The following EYS variants were observed in gnomAD, a reference collection of about 807,000 sequenced individuals.
EYS encodes the protein protein eyes shut homolog.
EYS carries 250 observed loss-of-function variants against 282.1 expected under a neutral mutation model. That is an observed-to-expected ratio of 0.89 (90% CI 0.80 to 0.98). The LOEUF (loss-of-function observed/expected upper bound fraction) is 0.98, where lower values mean the gene tolerates loss of function less well. EYS is among the 50% of genes least tolerant of loss of function. EYS has a pLI of 0.00. For missense variants in EYS, 4,016 were observed against 3,709.0 expected (o/e 1.08, Z -2.15); for synonymous variants, 1,355 against 1,282.9 (o/e 1.06, Z -1.20).
chr6:63,825,606 A>G (rs1199950488), intron 36 of EYS, among the ~76,000 whole-genome samples: 3 of 152,232 alleles, frequency 2.0e-5, no homozygotes, highest in Non-Finnish European at 4.4e-5. Context: ...GTCCAGAGTT[A>G]GGTAGACTCG....
rs1380605856 is a variant in EYS at position 64,875,674 on chromosome 6, A to G, written c.2992+11023T>C. 3.9e-5 allele frequency among the ~76,000 whole-genome samples: 6 copies of G among 152,244 alleles called. No individual in the cohort carries two copies. The South Asian group carries it at 1.2e-3, about 32-fold the overall frequency. ...ACCACATCAGAGCCTAACACATTAA[A>G]TCATCCAATAACTATAATTTTTGGT... On this transcript the variant is annotated intron_variant, in intron 19 of 42. Transcript: ENST00000503581.
intron 22 of EYS, among the ~76,000 whole-genome samples, chr6:64,749,902 T>A (rs1772686475): frequency 6.6e-6 from 1 of 152,130 alleles, no homozygotes; most frequent in Non-Finnish European, 1.5e-5. Context: ...GCAAATATTT[T>A]AATATTGCTA....
intron 29 of EYS, among the ~76,000 whole-genome samples, chr6:64,329,348 A>G (rs900613691): frequency 2.6e-5 from 4 of 152,158 alleles, no homozygotes; most frequent in African/African-American, 9.7e-5. Flanking sequence ...TGCTCCAGAA[A>G]TTGCAAGCAC....
intron 1 of EYS, among the ~76,000 whole-genome samples, chr6:65,645,914 C>G (rs1767435319): frequency 6.6e-6 from 1 of 151,960 alleles, no homozygotes; most frequent in Non-Finnish European, 1.5e-5. Flanking sequence ...TGCACATAAA[C>G]TAGAAAACCT....
intron 35 of EYS, among the ~76,000 whole-genome samples, chr6:63,977,988 G>A (rs535102298): frequency 1.2e-4 from 18 of 152,056 alleles, no homozygotes; most frequent in African/African-American, 4.3e-4. Flanking sequence ...TTTTTAATTG[G>A]TGTAGTCTGA....
At chr6:65,127,677 G>T (rs995556054) in intron 12 of EYS, among the ~76,000 whole-genome samples, 2 of 152,024 alleles carry the variant, frequency 1.3e-5, no homozygotes, top group Non-Finnish European at 2.9e-5. Context: ...TTTCAGGCAG[G>T]CATTGAACAC....
chr6:63,882,543 G>A (rs985823520), intron 35 of EYS, among the ~76,000 whole-genome samples: 5 of 152,148 alleles, frequency 3.3e-5, no homozygotes, highest in Non-Finnish European at 5.9e-5. Context: ...GGCACTGCTA[G>A]GCACTGTACA....
intron 2 of EYS, among the ~76,000 whole-genome samples, chr6:65,622,647 C>T (rs1459728934): frequency 6.6e-6 from 1 of 151,964 alleles, no homozygotes; most frequent in Non-Finnish European, 1.5e-5. Context: ...TGGAGAAAAA[C>T]GTACTTCAAA....
chr6:64,307,214 AG>A, intron 29 of EYS, 132 bp from the exon 30 acceptor site: 1 of 550,858 alleles, frequency 1.8e-6, no homozygotes, highest in East Asian at 3.1e-5. Context: ...ACTTATTTAT[AG>A]TACAGTAATT....
In EYS at chr6:65,679,381, C is replaced by T. The variant is rs574160469; in HGVS notation, c.-448+27754G>A. On this transcript the variant is annotated intron_variant, in intron 1 of 42. Coordinates refer to ENST00000503581, the MANE Select transcript of EYS (RefSeq NM_001142800.2). ...GCTTTAAAAAAGAAGGAAGTCCTGTCATCTGTAACAACATAAATGACACTT... is the reference window on the plus strand; with the variant it reads ...GCTTTAAAAAAGAAGGAAGTCCTGTTATCTGTAACAACATAAATGACACTT... Among the ~76,000 whole-genome samples, 23 of 152,062 alleles carry T rather than the reference C, an allele frequency of 1.5e-4. No individual in the cohort carries two copies. The South Asian group carries it at 4.1e-3, about 27-fold the overall frequency.
chr6:64,936,463 A>G (rs932027900), intron 15 of EYS, among the ~76,000 whole-genome samples: 6 of 151,510 alleles, frequency 4.0e-5, no homozygotes, highest in African/African-American at 1.4e-4. Context: ...AACATAAAAC[A>G]GAAAAAAACG....
chr6:64,338,188 C>A (rs915362088), intron 29 of EYS, among the ~76,000 whole-genome samples: 2 of 151,954 alleles, frequency 1.3e-5, no homozygotes, highest in Non-Finnish European at 2.9e-5. Context: ...GGAAGTCAAA[C>A]TGTCACTGTT....
intron 26 of EYS, 74 bp from the exon 27 acceptor site, chr6:64,439,426 A>AT: frequency 1.0e-5 from 10 of 1,001,638 alleles, no homozygotes; most frequent in Non-Finnish European, 1.4e-5. Flanking sequence ...TTATTAACAT[A>AT]GCATATGTTT....
intron 26 of EYS, among the ~76,000 whole-genome samples, chr6:64,487,218 A>G (rs923649977): frequency 4.8e-5 from 7 of 146,252 alleles, no homozygotes; most frequent in Non-Finnish European, 7.8e-5. Context: ...AGAAAATCTT[A>G]GAAAGAGAGA....
At chr6:64,917,576 G>A (rs113068964) in intron 15 of EYS, among the ~76,000 whole-genome samples, 2,101 of 152,206 alleles carry the variant, frequency 0.014, 55 homozygotes, top group African/African-American at 0.048. Flanking sequence ...GGAGATGTTG[G>A]TCACAGGATA....
intron 36 of EYS, among the ~76,000 whole-genome samples, chr6:63,833,204 A>G (rs1771696732): frequency 6.6e-6 from 1 of 152,132 alleles, no homozygotes; most frequent in South Asian, 2.1e-4. Flanking sequence ...ATGGTGTTGG[A>G]AGTTCTGGCC....
intron 13 of EYS, among the ~76,000 whole-genome samples, chr6:65,019,023 C>G (rs1772155143): frequency 6.6e-6 from 1 of 151,906 alleles, no homozygotes; most frequent in Non-Finnish European, 1.5e-5. Flanking sequence ...AAATGGGGAC[C>G]AGAATAAGTG....
intron 12 of EYS, among the ~76,000 whole-genome samples, chr6:65,067,668 T>C (rs17410495): frequency 0.19 from 28,874 of 151,900 alleles, 3,306 homozygotes; most frequent in South Asian, 0.26. Context: ...AAATAGAAGA[T>C]TTTGGGCTTT....
intron 7 of EYS, among the ~76,000 whole-genome samples, chr6:65,386,546 C>G (rs1404205741): frequency 6.6e-6 from 1 of 151,856 alleles, no homozygotes; most frequent in Non-Finnish European, 1.5e-5. Context: ...ATCAACTCAG[C>G]CTGCTGTCAA....
Sources: gnomAD v4.1 joint callset for allele counts (sites outside exome capture counted in the v4.1 genomes callset) on GRCh38, gnomAD v4.1.1 for gene constraint, MANE v1.5 for transcripts, NCBI Gene and HGNC (gene_info 2026-07-23, HGNC 2026-07-21) for gene names.